Variants in CLN6 observed in about 807,000 individuals in gnomAD.
CLN6 encodes CLN6 transmembrane ER protein.
A neutral mutation model predicts 33.3 loss-of-function variants in CLN6; 22 were observed. That is an observed-to-expected ratio of 0.66 (90% CI 0.47 to 0.94). CLN6 has a LOEUF of 0.94. Ranked by LOEUF, CLN6 falls within the 40% of genes least tolerant of loss-of-function variation. CLN6 has a pLI of 0.00. For synonymous variants in CLN6, 201 were observed against 174.6 expected (o/e 1.15, Z -1.19); for missense variants, 387 against 417.1 (o/e 0.93, Z 0.63).
chr15:68,249,766 AC>A (rs762918158), intron 1 of CLN6, among the ~76,000 whole-genome samples: 121 of 152,092 alleles, frequency 8.0e-4, no homozygotes, highest in Admixed American at 1.2e-3. Context: ...AATCTATTGG[AC>A]ATTTCTTATT....
intron 1 of CLN6, among the ~76,000 whole-genome samples, chr15:68,250,285 T>C (rs1459450241): frequency 6.6e-6 from 1 of 151,372 alleles, no homozygotes; most frequent in Non-Finnish European, 1.5e-5. Context: ...AAAGCCCAAG[T>C]AGTCCAATAG....
chr15:68,207,329 C>T lies in CLN6; in HGVS notation c.*811G>A, dbSNP rs888082536. The T allele has an allele frequency of 3.3e-5, 5 of 152,702 alleles. No individual in the cohort carries two copies. The highest frequency in any genetic ancestry group is 2.1e-4 in the South Asian group (1 of 4,838). 9.5% of individuals were successfully genotyped at this position (152,702 alleles called of 1,614,324 possible). A position where few individuals can be genotyped will look rare whatever the true frequency, so the allele number is the denominator to read the frequency against. ...TGGCTAGGCTGCCCGAAGCGCGTGC[C>T]GCAGTTCTTCTGGAGTGGGAGCAGG... On this transcript the variant is annotated 3_prime_UTR_variant, in exon 7 of 7. Transcript: ENST00000249806.
intron 3 of CLN6, chr15:68,213,228 T>A (rs1052895551): frequency 1.3e-5 from 2 of 151,272 alleles, no homozygotes; most frequent in Admixed American, 6.6e-5. Context: ...GCCCTAAGTT[T>A]TTTGTATTTT....
chr15:68,210,724 G>T lies in CLN6; in HGVS notation c.542+539C>A, dbSNP rs1476221825. ...AGGTCTCCCCCGACTGAGGGACGGG[G>T]TAGGTAGGAAAAGGTGCCCCTCTGG... On this transcript the variant is annotated intron_variant, in intron 5 of 6. Transcript: ENST00000249806. This position sits in a 1 kb window ranked among gnomAD's most constrained non-coding sequence, Gnocchi z 5.6. Among the ~76,000 whole-genome samples, 1 of 152,180 alleles carries T rather than the reference G, an allele frequency of 6.6e-6. No homozygotes were observed. Among genetic ancestry groups the T allele is most frequent in the Non-Finnish European group, 1.5e-5 (1 of 68,012 alleles).
intron 1 of CLN6, among the ~76,000 whole-genome samples, chr15:68,252,738 T>G (rs1363888196): frequency 6.6e-6 from 1 of 152,160 alleles, no homozygotes; most frequent in African/African-American, 2.4e-5. Context: ...GCTACACACA[T>G]CAACCTGGTC....
In CLN6 at chr15:68,256,999, G is replaced by A. The variant is rs919892329; in HGVS notation, c.-131C>T. 5 of 555,312 alleles carry A rather than the reference G, an allele frequency of 9.0e-6. No homozygotes were observed. The Admixed American group carries it at 9.3e-5, about 10-fold the overall frequency. 34.4% of individuals were successfully genotyped at this position (555,312 alleles called of 1,614,324 possible). On this transcript the variant is annotated 5_prime_UTR_variant, in exon 1 of 7. Coordinates refer to the CLN6 transcript ENST00000538696. This position sits in a 1 kb window ranked among gnomAD's most constrained non-coding sequence, Gnocchi z 4.1. ...GGCTTCTCCGGCACACCTGTATCTA[G>A]GGACTGAGCGCGACTGACGCAGAGG...
In CLN6 at chr15:68,211,953, T is replaced by A; in HGVS notation, c.298-90A>T. On this transcript the variant is annotated intron_variant, in intron 3 of 6. Coordinates refer to ENST00000249806, the MANE Select transcript of CLN6 (RefSeq NM_017882.3). The surrounding 1 kb of genome is among the most constrained non-coding windows in gnomAD (Gnocchi z 5.9). ...TTCCCCCCTCACACCTGGGGTGGGA[T>A]GGACGCTTCCAGCTGGAATGTCACT... is the stretch of plus-strand genomic sequence containing the variant. The A allele has an allele frequency of 3.0e-6, 4 of 1,322,522 alleles. No homozygotes were observed. Among genetic ancestry groups the A allele is most frequent in the Non-Finnish European group, 4.3e-6 (4 of 940,738 alleles). 81.9% of individuals were successfully genotyped at this position (1,322,522 alleles called of 1,614,324 possible). A position where few individuals can be genotyped will look rare whatever the true frequency, so the allele number is the denominator to read the frequency against.
chr15:68,234,395 G>A (rs575499982), upstream of CLN6, among the ~76,000 whole-genome samples: 391 of 152,330 alleles, frequency 2.6e-3, 2 homozygotes, highest in African/African-American at 8.8e-3. This position sits in a 1 kb window ranked among gnomAD's most constrained non-coding sequence, Gnocchi z 4.1. Flanking sequence ...GCAGTGTACC[G>A]ATATGGCTGC....
At chr15:68,226,800 T>C (rs757797891) in intron 1 of CLN6, among the ~76,000 whole-genome samples, 4 of 151,842 alleles carry the variant, frequency 2.6e-5, no homozygotes, top group Admixed American at 6.6e-5. Flanking sequence ...GTTTAATTAA[T>C]ACATGCAAAA....
At chr15:68,240,695 G>A (rs943613745) in intron 1 of CLN6, among the ~76,000 whole-genome samples, 61 of 151,014 alleles carry the variant, frequency 4.0e-4, no homozygotes, top group African/African-American at 1.5e-3. Context: ...AAAAAAAAAG[G>A]GGACAGGGCC....
intron 1 of CLN6, among the ~76,000 whole-genome samples, chr15:68,243,221 G>C (rs1031831588): frequency 1.3e-4 from 20 of 152,166 alleles, no homozygotes; most frequent in African/African-American, 4.8e-4. Flanking sequence ...AAAATTCTGT[G>C]AGTATAAACA....
At chr15:68,224,179 T>C (rs1158576941) in intron 1 of CLN6, among the ~76,000 whole-genome samples, 1 of 143,212 alleles carries the variant, frequency 7.0e-6, no homozygotes, top group African/African-American at 2.6e-5. Flanking sequence ...AACAGGATGA[T>C]CACTTAAGCC....
At position 68,246,008 on chromosome 15, in the gene CLN6, A is replaced by G. The variant is rs868731260; in HGVS notation, c.179+10682T>C. Among the ~76,000 whole-genome samples, 17 of 152,200 alleles carry G rather than the reference A, an allele frequency of 1.1e-4. No individual in the cohort carries two copies. The highest frequency in any genetic ancestry group is 3.4e-4 in the African/African-American group (14 of 41,430). ...TAATGATAAAGGGGTCAGTTTAGCA[A>G]GAGGATATAACAATTATAAGTATCT... On this transcript the variant is annotated intron_variant, in intron 1 of 6. Transcript: ENST00000538696. The surrounding 1 kb of genome is among the most constrained non-coding windows in gnomAD (Gnocchi z 4.5).
rs1005377618 is a variant in CLN6 at position 68,234,846 on chromosome 15, G to C, written c.180-16196C>G. On this transcript the variant is annotated intron_variant, in intron 1 of 6. Coordinates refer to the CLN6 transcript ENST00000538696. The surrounding 1 kb of genome is among the most constrained non-coding windows in gnomAD (Gnocchi z 4.1). ...AGCCTGGCCAACATAGTGAAACTCC[G>C]TCTCTACTAAAAATACAACAATTAG... Among the ~76,000 whole-genome samples the C allele has an allele frequency of 6.6e-6, 1 of 152,102 alleles. No homozygotes were observed. The highest frequency in any genetic ancestry group is 1.5e-5 in the Non-Finnish European group (1 of 68,024).
intron 1 of CLN6, among the ~76,000 whole-genome samples, chr15:68,245,429 G>A (rs1892320915): frequency 6.6e-6 from 1 of 152,020 alleles, no homozygotes; most frequent in Non-Finnish European, 1.5e-5. Flanking sequence ...GTTGGGTGTG[G>A]TAGCACATTC....
Position 68,235,568 on chromosome 15 carries a change from T to TA in CLN6, c.180-16919dup, listed in dbSNP as rs1289060007. Among the ~76,000 whole-genome samples, 29 of 137,142 alleles carry TA rather than the reference T, an allele frequency of 2.1e-4. No homozygotes were observed. The South Asian group carries it at 3.7e-3, about 18-fold the overall frequency. The allele number at this position is 137,142 out of a possible 152,430, so 90.0% of individuals were successfully genotyped here. Reference sequence around the variant, plus strand: ...CTGGGTGACAGAGCGAGTCTGTGTCTAAAAAAAAAATAAAAATAAATATAT... The same window carrying TA: ...CTGGGTGACAGAGCGAGTCTGTGTCTAAAAAAAAAAATAAAAATAAATATAT... On this transcript the variant is annotated intron_variant, in intron 1 of 6. Coordinates refer to the CLN6 transcript ENST00000538696.
chr15:68,214,203 G>T, intron 3 of CLN6, 87 bp downstream of exon 3: 1 of 1,046,346 alleles, frequency 9.6e-7, no homozygotes, highest in Non-Finnish European at 1.5e-6. Context: ...GCGTGCTTGA[G>T]TCAGGACACA....
In CLN6 at chr15:68,211,364, G is replaced by A; in HGVS notation, c.487-46C>T. 6.2e-7 allele frequency: 1 copy of A among 1,607,588 alleles called. No homozygotes were observed. The highest frequency in any genetic ancestry group is 8.5e-7 in the Non-Finnish European group (1 of 1,174,492). On this transcript the variant is annotated intron_variant, in intron 4 of 6. Transcript: ENST00000249806. This position sits in a 1 kb window ranked among gnomAD's most constrained non-coding sequence, Gnocchi z 5.9. The stretch of plus-strand genomic sequence containing the variant: ...GCAGAGTCGGGGGATGTCGATGTCA[G>A]TCCAGGGAGGTGCTGGGGCCCCAAG...
In CLN6 at chr15:68,210,423, G is replaced by T. The variant is rs558124929; in HGVS notation, c.543-664C>A. On this transcript the variant is annotated intron_variant, in intron 5 of 6. Coordinates refer to ENST00000249806, the MANE Select transcript of CLN6 (RefSeq NM_017882.3). This position sits in a 1 kb window ranked among gnomAD's most constrained non-coding sequence, Gnocchi z 5.6. ...GCTCTGGCAAAGGCCAGGGAAAGAT[G>T]GCAGGAGGCCTGTCCAGGGACCCTG... Among the ~76,000 whole-genome samples the T allele has an allele frequency of 5.3e-5, 8 of 152,208 alleles. No individual in the cohort carries two copies. Among genetic ancestry groups the T allele is most frequent in the Non-Finnish European group, 7.3e-5 (5 of 68,032 alleles).
Sources: allele counts gnomAD v4.1 joint callset (sites outside exome capture counted in the v4.1 genomes callset), GRCh38; gene constraint gnomAD v4.1.1; non-coding constraint Gnocchi (gnomAD v3.1); transcripts MANE v1.5; gene names NCBI Gene and HGNC (gene_info 2026-07-23, HGNC 2026-07-21).